The following DACH1 variants were observed in gnomAD, a reference collection of about 807,000 sequenced individuals.
DACH1 encodes the protein dachshund homolog 1.
In DACH1, 12 loss-of-function variants were observed where a neutral mutation model predicts 54.2. The ratio of observed to expected loss-of-function variants is 0.22; its 90% CI spans 0.14 to 0.36. DACH1 has a LOEUF of 0.36. Among genes scored for constraint, DACH1 ranks in the 10% least tolerant of loss-of-function variants. DACH1 has a pLI of 1.00. For missense variants in DACH1, 805 were observed against 929.8 expected (o/e 0.87, Z 1.75); for synonymous variants, 386 against 366.2 (o/e 1.05, Z -0.62).
chr13:71,722,553 T>G (rs1883276368), intron 1 of DACH1, among the ~76,000 whole-genome samples: 1 of 152,168 alleles, frequency 6.6e-6, no homozygotes, highest in Admixed American at 6.5e-5. Context: ...ATAGTGAGCT[T>G]GGCTTATATC....
intron 2 of DACH1, among the ~76,000 whole-genome samples, chr13:71,643,170 T>C (rs1349536273): frequency 6.6e-6 from 1 of 152,216 alleles, no homozygotes; most frequent in Non-Finnish European, 1.5e-5. Context: ...AATATTCTAA[T>C]TGTCCCATCC....
chr13:71,471,537 G>C (rs995924949), intron 10 of DACH1, among the ~76,000 whole-genome samples: 5 of 152,044 alleles, frequency 3.3e-5, no homozygotes, highest in African/African-American at 4.8e-5. Context: ...AAGCTGGGCG[G>C]ATCACAAGGT....
At chr13:71,725,308 AG>A (rs1883420856) in intron 1 of DACH1, among the ~76,000 whole-genome samples, 1 of 152,160 alleles carries the variant, frequency 6.6e-6, no homozygotes, top group Non-Finnish European at 1.5e-5. Context: ...TCAAAAAAGA[AG>A]ACAAAAGAGA....
At chr13:71,836,965 G>T (rs1013810661) in intron 1 of DACH1, among the ~76,000 whole-genome samples, 1 of 151,792 alleles carries the variant, frequency 6.6e-6, no homozygotes, top group Non-Finnish European at 1.5e-5. Context: ...TAACAAATAT[G>T]CATTGAGTAG....
chr13:71,630,085 T>A (rs1876973062), intron 3 of DACH1, among the ~76,000 whole-genome samples: 1 of 152,188 alleles, frequency 6.6e-6, no homozygotes, highest in Admixed American at 6.6e-5. Context: ...TAGAAAGAAT[T>A]AATCATCAAC....
chr13:71,695,386 C>T (rs1303309637), intron 1 of DACH1, among the ~76,000 whole-genome samples: 3 of 152,044 alleles, frequency 2.0e-5, no homozygotes, highest in African/African-American at 4.8e-5. Flanking sequence ...CTCCAAAAGT[C>T]GTCTTCTTAT....
Position 71,551,256 on chromosome 13 carries a change from A to G in DACH1, c.1570+5768T>C, listed in dbSNP as rs1883798185. On this transcript the variant is annotated intron_variant, in intron 6 of 10. Coordinates refer to ENST00000613252, the MANE Select transcript of DACH1 (RefSeq NM_080759.6). The stretch of plus-strand genomic sequence containing the variant: ...CATTTACATAATTTTTAAAGACCAA[A>G]TCAGTAGAATTGGGATATCCATCAC... 3.3e-5 allele frequency among the ~76,000 whole-genome samples: 5 copies of G among 152,224 alleles called. No homozygotes were observed. In the South Asian group the frequency reaches 1.0e-3, roughly 32 times the overall value.
chr13:71,583,350 G>T (rs1381574476), intron 3 of DACH1, among the ~76,000 whole-genome samples: 1 of 152,012 alleles, frequency 6.6e-6, no homozygotes, highest in African/African-American at 2.4e-5. Context: ...TATTAAGAAG[G>T]TACATGCCTT....
At chr13:71,776,818 A>T (rs371679567) in intron 1 of DACH1, among the ~76,000 whole-genome samples, 2 of 152,084 alleles carry the variant, frequency 1.3e-5, no homozygotes, top group African/African-American at 4.8e-5. Context: ...TTTGTCACTC[A>T]CTGGTAATTT....
At chr13:71,807,727 T>C (rs1887566692) in intron 1 of DACH1, among the ~76,000 whole-genome samples, 1 of 152,154 alleles carries the variant, frequency 6.6e-6, no homozygotes, top group African/African-American at 2.4e-5. Context: ...AATTGACAGA[T>C]ACAGTAAAAA....
chr13:71,758,622 C>T (rs948468499), intron 1 of DACH1, among the ~76,000 whole-genome samples: 21 of 152,230 alleles, frequency 1.4e-4, no homozygotes, highest in Admixed American at 5.9e-4. Flanking sequence ...TTGAAACGCA[C>T]CACTTAATCA....
At chr13:71,467,346 T>C (rs1225802985) in intron 10 of DACH1, among the ~76,000 whole-genome samples, 2 of 97,022 alleles carry the variant, frequency 2.1e-5, no homozygotes, top group South Asian at 4.2e-4. Flanking sequence ...CTGGGGACTG[T>C]TGTGGGGTGG....
intron 3 of DACH1, among the ~76,000 whole-genome samples, chr13:71,624,483 T>C (rs1188413422): frequency 6.6e-6 from 1 of 151,986 alleles, no homozygotes. Flanking sequence ...ACTTTTAGGG[T>C]AGTCTTGTAT....
chr13:71,565,768 GA>G, intron 4 of DACH1, among the ~76,000 whole-genome samples: 1 of 152,114 alleles, frequency 6.6e-6, no homozygotes, highest in Non-Finnish European at 1.5e-5. Context: ...AATATAATCT[GA>G]AACAACTTAA....
intron 1 of DACH1, among the ~76,000 whole-genome samples, chr13:71,764,009 A>G (rs764987063): frequency 2.6e-5 from 4 of 152,234 alleles, no homozygotes; most frequent in Non-Finnish European, 4.4e-5. Flanking sequence ...GTACCAGGAT[A>G]TAAATATAAA....
chr13:71,657,887 T>A (rs958158024), intron 2 of DACH1, among the ~76,000 whole-genome samples: 1 of 152,112 alleles, frequency 6.6e-6, no homozygotes, highest in African/African-American at 2.4e-5. Context: ...GGATTACGGG[T>A]GTGAGCCACC....
At chr13:71,741,381 C>T (rs1884377647) in intron 1 of DACH1, among the ~76,000 whole-genome samples, 1 of 152,168 alleles carries the variant, frequency 6.6e-6, no homozygotes, top group Admixed American at 6.5e-5. Flanking sequence ...CAAACAAGAA[C>T]TTTGTTCGTC....
chr13:71,542,073 C>T (rs887776355), intron 6 of DACH1, among the ~76,000 whole-genome samples: 1 of 151,454 alleles, frequency 6.6e-6, no homozygotes, highest in African/African-American at 2.4e-5. Context: ...CATGGTGAAA[C>T]TCCTTCACTA....
intron 1 of DACH1, among the ~76,000 whole-genome samples, chr13:71,710,417 A>G (rs1033790704): frequency 2.7e-5 from 4 of 150,302 alleles, no homozygotes; most frequent in Admixed American, 2.7e-4. Flanking sequence ...CTAGAATTTT[A>G]TGGGGCCTGA....
Sources: gnomAD v4.1 joint callset for allele counts (sites outside exome capture counted in the v4.1 genomes callset) on GRCh38, gnomAD v4.1.1 for gene constraint, MANE v1.5 for transcripts, NCBI Gene and HGNC (gene_info 2026-07-23, HGNC 2026-07-21) for gene names.